MASP2: variants seen among roughly 807,000 people sequenced by gnomAD.
MASP2 encodes mannan-binding lectin serine protease 2.
In MASP2, 49 loss-of-function variants were observed where a neutral mutation model predicts 57.1. The ratio of observed to expected loss-of-function variants is 0.86; its 90% CI spans 0.68 to 1.09. MASP2 has a LOEUF of 1.09. Ranked by LOEUF, MASP2 falls within the 50% of genes least tolerant of loss-of-function variation. MASP2 has a pLI of 0.00. For missense variants in MASP2, 900 were observed against 874.8 expected (o/e 1.03, Z -0.36); for synonymous variants, 379 against 340.8 (o/e 1.11, Z -1.24).
At chr1:11,040,981 A>G (rs115798301) in intron 6 of MASP2, among the ~76,000 whole-genome samples, 2,975 of 134,184 alleles carry the variant, frequency 0.022, 104 homozygotes, top group African/African-American at 0.087. Flanking sequence ...ATGGATGGAT[A>G]GATAGAAGAA....
intron 7 of MASP2, among the ~76,000 whole-genome samples, chr1:11,037,087 C>T (rs1225514262): frequency 2.0e-5 from 3 of 152,204 alleles, no homozygotes; most frequent in African/African-American, 7.2e-5. Flanking sequence ...GAGTCTTGCT[C>T]TGTCACCCAG....
chr1:11,043,207 A>C, intron 5 of MASP2, 132 bp downstream of exon 5: 1 of 991,816 alleles, frequency 1.0e-6, no homozygotes, highest in Non-Finnish European at 1.5e-6. Context: ...TTGGACCTCC[A>C]TAGAGCACCT....
At chr1:11,044,520 C>T (rs916752124) in intron 4 of MASP2, among the ~76,000 whole-genome samples, 41 of 152,144 alleles carry the variant, frequency 2.7e-4, no homozygotes, top group Non-Finnish European at 2.1e-4. Flanking sequence ...CAGGGTGTCT[C>T]CTCTGTGGGT....
intron 8 of MASP2, among the ~76,000 whole-genome samples, chr1:11,031,335 AAC>A (rs1395405956): frequency 6.6e-6 from 1 of 151,856 alleles, no homozygotes; most frequent in African/African-American, 2.4e-5. Flanking sequence ...CATCCTGGCT[AAC>A]ACGGTGAAAC....
intron 10 of MASP2, among the ~76,000 whole-genome samples, chr1:11,028,706 C>CTTTTTTTTTTT: frequency 8.3e-5 from 1 of 12,066 alleles, no homozygotes; most frequent in Non-Finnish European, 2.3e-4. Context: ...GGTTTTTTTT[C>CTTTTTTTTTTT]TTTTTTTTTT....
intron 6 of MASP2, among the ~76,000 whole-genome samples, chr1:11,041,908 G>A (rs528292142): frequency 1.3e-5 from 2 of 150,332 alleles, no homozygotes; most frequent in East Asian, 2.0e-4. Context: ...ATAGAAGGAT[G>A]GATGGATGGA....
At chr1:11,031,546 A>AAAAAAAAT (rs55763824) in intron 8 of MASP2, among the ~76,000 whole-genome samples, 1 of 147,892 alleles carries the variant, frequency 6.8e-6, no homozygotes. Flanking sequence ...AAAAAAAAAA[A>AAAAAAAAT]GGCTGCAGCG....
chr1:11,036,510 C>CAAAA (rs35642467), intron 7 of MASP2, among the ~76,000 whole-genome samples: 25 of 54,352 alleles, frequency 4.6e-4, no homozygotes, highest in East Asian at 1.5e-3. Flanking sequence ...GACTCCGTCT[C>CAAAA]AAAAAAAAAA....
In MASP2 at chr1:11,030,144, T is replaced by C. The variant is rs371162279; in HGVS notation, c.1297+32A>G. On this transcript the variant is annotated intron_variant, in intron 10 of 10. Transcript: ENST00000400897. Reference sequence around the variant, plus strand: ...CCTACCCAGTCCTCCTTTCCATCAATTACCAGTCTCTTGTATAAATGTATC... The same window carrying C: ...CCTACCCAGTCCTCCTTTCCATCAACTACCAGTCTCTTGTATAAATGTATC... 1.4e-5 allele frequency: 21 copies of C among 1,517,192 alleles called. No homozygotes were observed. The African/African-American group carries it at 2.9e-4, about 21-fold the overall frequency. 94.0% of individuals were successfully genotyped at this position (1,517,192 alleles called of 1,614,324 possible).
intron 5 of MASP2, 52 bp downstream of exon 5, chr1:11,043,287 G>A: frequency 6.7e-7 from 1 of 1,498,768 alleles, no homozygotes; most frequent in Non-Finnish European, 9.1e-7. Context: ...AGGGGGTGCA[G>A]CTGGGCTGAG....
rs548131384 is a variant in MASP2, at chr1:11,028,312, C to A, written c.1298-664G>T. On this transcript the variant is annotated intron_variant, in intron 10 of 10. Coordinates refer to ENST00000400897, the MANE Select transcript of MASP2 (RefSeq NM_006610.4). ...GTGCATAGGAATTAGAAGGATATAA[C>A]CTTTTCATTGTTTCTGTTTTCCTAC... Among the ~76,000 whole-genome samples, 3 of 152,186 alleles carry A rather than the reference C, an allele frequency of 2.0e-5. No homozygotes were observed. In the South Asian group the frequency reaches 6.2e-4, roughly 32 times the overall value.
intron 7 of MASP2, 41 bp from the exon 8 acceptor site, chr1:11,034,947 TCA>T: frequency 7.2e-7 from 1 of 1,397,876 alleles, no homozygotes; most frequent in Non-Finnish European, 1.0e-6. Flanking sequence ...CTTGTTTATA[TCA>T]TAAAATCACT....
chr1:11,042,747 C>T, intron 6 of MASP2, 128 bp downstream of exon 6: 2 of 1,072,708 alleles, frequency 1.9e-6, no homozygotes, highest in Middle Eastern at 3.1e-4. Context: ...AGACCTCAGA[C>T]ACCACTAAAC....
At chr1:11,043,833 G>A (rs1459054828) in intron 4 of MASP2, among the ~76,000 whole-genome samples, 1 of 151,956 alleles carries the variant, frequency 6.6e-6, no homozygotes, top group Non-Finnish European at 1.5e-5. Flanking sequence ...ACACCCCCAG[G>A]GAGCGTGGTG....
rs572689734 is a variant in MASP2, at chr1:11,045,148, G to C, written c.544+260C>G. The C allele has an allele frequency of 1.1e-5, 8 of 744,276 alleles. No homozygotes were observed. In the South Asian group the frequency reaches 1.3e-4, roughly 12 times the overall value. 46.1% of individuals were successfully genotyped at this position (744,276 alleles called of 1,614,324 possible). A position where few individuals can be genotyped will look rare whatever the true frequency, so the allele number is the denominator to read the frequency against. ...CCGACTCTCCCGTGGCTACATGAGG[G>C]GTTCCCAGAGCCCAGGTGGAACCAG... On this transcript the variant is annotated intron_variant, in intron 4 of 10. Coordinates refer to ENST00000400897, the MANE Select transcript of MASP2 (RefSeq NM_006610.4).
intron 3 of MASP2, chr1:11,045,826 G>T: frequency 2.0e-6 from 1 of 498,212 alleles, no homozygotes; most frequent in Non-Finnish European, 3.6e-6. Flanking sequence ...CAAACCCAGG[G>T]GGCGGGGCTA....
At position 11,027,563 on chromosome 1, in the gene MASP2, C is replaced by T. The variant is rs1643760205; in HGVS notation, c.1383G>A (p.Leu461=). 4 of 1,614,058 alleles carry T rather than the reference C, an allele frequency of 2.5e-6. No homozygotes were observed. Among genetic ancestry groups the T allele is most frequent in the Non-Finnish European group, 3.4e-6 (4 of 1,180,038 alleles). ...AKPGDFPWQV[L]ILGGTTAAGA... is the part of the protein sequence containing the mutation. Reference sequence around the variant, plus strand: ...CTGCTGCTGTGGTTCCACCTAATATCAGGACTTGCCAAGGAAAATCACCAG... The same window carrying T: ...CTGCTGCTGTGGTTCCACCTAATATTAGGACTTGCCAAGGAAAATCACCAG... Residue 461 remains leucine (L), a synonymous_variant, in exon 11 of 11, where the codon CTG becomes CTA. Transcript: ENST00000400897.
intron 7 of MASP2, among the ~76,000 whole-genome samples, chr1:11,036,047 G>A (rs934007330): frequency 6.6e-6 from 1 of 152,192 alleles, no homozygotes; most frequent in African/African-American, 2.4e-5. Flanking sequence ...AGCTTCGTCT[G>A]TGTGCTGTCC....
chr1:11,027,099 A>G lies in MASP2; in HGVS notation c.1847T>C (p.Met616Thr), dbSNP rs1221970622. The G allele has an allele frequency of 8.7e-6, 14 of 1,606,502 alleles. No homozygotes were observed. Among genetic ancestry groups the G allele is most frequent in the Admixed American group, 1.7e-5 (1 of 59,364 alleles). ...CCCACTTTCTAAGCCAGCACAAAGC[A>G]TGTTAGCAGTTACACTTCCCCTTGG... ...PYPRGSVTAN[M>T]LCAGLESGGK... The change falls in exon 11 of 11, where the codon ATG (methionine) becomes ACG (threonine). Residue 616 changes from methionine (M) to threonine (T), a missense_variant. Transcript: ENST00000400897.
Sources: gnomAD v4.1 joint callset for allele counts (sites outside exome capture counted in the v4.1 genomes callset) on GRCh38, gnomAD v4.1.1 for gene constraint, MANE v1.5 for transcripts, NCBI Gene and HGNC (gene_info 2026-07-23, HGNC 2026-07-21) for gene names.